The following NBEA variants were observed in gnomAD, a reference collection of about 807,000 sequenced individuals.
NBEA encodes lysosomal-trafficking regulator 2.
In NBEA, 44 loss-of-function variants were observed where a neutral mutation model predicts 343.4. The observed-to-expected ratio is 0.13, with a 90% confidence interval of 0.10 to 0.16. NBEA has a LOEUF of 0.16. Ranked by LOEUF, NBEA falls within the 10% of genes least tolerant of loss-of-function variation. NBEA has a pLI of 1.00. For missense variants in NBEA, 2,555 were observed against 3,631.3 expected, an observed-to-expected ratio of 0.70 and a Z score of 7.62; for synonymous variants, 1,175 against 1,238.7, an observed-to-expected ratio of 0.95 and a Z score of 1.08.
At chr13:35,609,905 G>C (rs1301581450) in intron 48 of NBEA, among the ~76,000 whole-genome samples, 2 of 152,176 alleles carry the variant, frequency 1.3e-5, no homozygotes, top group Non-Finnish European at 1.5e-5. Context: ...CTCTGTAAAT[G>C]AGCCGAAGTC....
chr13:35,433,127 A>G (rs183407847), intron 39 of NBEA, among the ~76,000 whole-genome samples: 1 of 152,218 alleles, frequency 6.6e-6, no homozygotes, highest in East Asian at 1.9e-4. Flanking sequence ...TATAAACTGT[A>G]CAATCACAAA....
chr13:35,203,264 C>T (rs1363422029), intron 31 of NBEA, among the ~76,000 whole-genome samples: 2 of 152,142 alleles, frequency 1.3e-5, no homozygotes, highest in Non-Finnish European at 2.9e-5. Context: ...TCATCTCTTA[C>T]AGCTCTCCAT....
intron 35 of NBEA, among the ~76,000 whole-genome samples, chr13:35,306,035 T>A (rs2036871815): frequency 6.6e-6 from 1 of 152,186 alleles, no homozygotes; most frequent in East Asian, 1.9e-4. Flanking sequence ...AATGAAAGTA[T>A]CTGATGTCTA....
chr13:35,468,598 G>A (rs2075502277), intron 40 of NBEA, among the ~76,000 whole-genome samples: 2 of 152,184 alleles, frequency 1.3e-5, no homozygotes, highest in South Asian at 4.1e-4. Flanking sequence ...AATCACTTAA[G>A]TAAAATCCAG....
chr13:35,476,213 G>A lies in NBEA; in HGVS notation c.6585+3677G>A, dbSNP rs535310771. The A allele has an allele frequency of 2.1e-5, 34 of 1,607,138 alleles. No homozygotes were observed. In the East Asian group the frequency reaches 7.1e-4, roughly 34 times the overall value. On this transcript the variant is annotated intron_variant, in intron 41 of 58. Transcript: ENST00000379939. ...GGATCCAATGCGGCTGCTAGAGCTG[G>A]AGCCAACTTCGGTGGAGAAACGGGC...
At chr13:34,975,995 AT>A (rs926536096) in intron 1 of NBEA, among the ~76,000 whole-genome samples, 1 of 152,210 alleles carries the variant, frequency 6.6e-6, no homozygotes, top group Non-Finnish European at 1.5e-5. Context: ...TACTACAACC[AT>A]TGTGGAAAAC....
At chr13:35,397,488 A>C (rs376130481) in intron 38 of NBEA, among the ~76,000 whole-genome samples, 14 of 152,206 alleles carry the variant, frequency 9.2e-5, no homozygotes, top group African/African-American at 2.9e-4. Context: ...GCTTAACTAC[A>C]GGAGAATGTA....
At chr13:35,214,422 T>C (rs1340738434) in intron 33 of NBEA, among the ~76,000 whole-genome samples, 1 of 151,922 alleles carries the variant, frequency 6.6e-6, no homozygotes, top group Non-Finnish European at 1.5e-5. Flanking sequence ...TCAGTCTTTT[T>C]AAGACTTTAT....
chr13:35,148,448 C>T (rs2068573568), intron 18 of NBEA, among the ~76,000 whole-genome samples: 1 of 152,106 alleles, frequency 6.6e-6, no homozygotes, highest in African/African-American at 2.4e-5. Context: ...TGCTCTACAG[C>T]AGCACAGAGA....
rs557876625 is a variant in NBEA at position 35,440,385 on chromosome 13, C to A, written c.6304+7992C>A. On this transcript the variant is annotated intron_variant, in intron 39 of 58. Transcript: ENST00000379939. ...ACTAATTTTTGGTAAAGTGTACACACAATCACATTTACAAGTGATTATAAT... is the reference window on the plus strand; with the variant it reads ...ACTAATTTTTGGTAAAGTGTACACAAAATCACATTTACAAGTGATTATAAT... Among the ~76,000 whole-genome samples, 4 of 152,266 alleles carry A rather than the reference C, an allele frequency of 2.6e-5. No homozygotes were observed. In the South Asian group the frequency reaches 8.3e-4, roughly 32 times the overall value.
chr13:35,113,903 T>G (rs887722873), intron 13 of NBEA, among the ~76,000 whole-genome samples: 4 of 152,166 alleles, frequency 2.6e-5, no homozygotes, highest in African/African-American at 9.6e-5. Context: ...TCTCCTGGGT[T>G]GTATCATTAT....
intron 34 of NBEA, among the ~76,000 whole-genome samples, chr13:35,234,386 A>G (rs551058662): frequency 6.6e-6 from 1 of 152,308 alleles, no homozygotes; most frequent in South Asian, 2.1e-4. Context: ...TGTAATTTAA[A>G]TAGCTTTGTT....
At chr13:35,633,348 C>T (rs77395174) in intron 49 of NBEA, among the ~76,000 whole-genome samples, 1 of 149,806 alleles carries the variant, frequency 6.7e-6, no homozygotes, top group Admixed American at 6.6e-5. Flanking sequence ...GTGATCCGCC[C>T]ACCTCGGCCT....
At chr13:35,176,903 A>T (rs953375337) in intron 27 of NBEA, 93 bp from the exon 28 acceptor site, 1 of 758,164 alleles carries the variant, frequency 1.3e-6, no homozygotes, top group Non-Finnish European at 2.2e-6. Flanking sequence ...GTGGAGATAC[A>T]TGATGTGACC....
intron 1 of NBEA, among the ~76,000 whole-genome samples, chr13:34,970,762 G>A (rs144834306): frequency 6.6e-6 from 1 of 152,232 alleles, no homozygotes; most frequent in African/African-American, 2.4e-5. Flanking sequence ...ACACCATGCT[G>A]TTTTGGTTAA....
chr13:35,084,495 T>C (rs1050287893), intron 10 of NBEA, among the ~76,000 whole-genome samples: 12 of 152,114 alleles, frequency 7.9e-5, no homozygotes, highest in Admixed American at 7.2e-4. Context: ...GGGTAAATAA[T>C]GAAACGAAGG....
At chr13:35,486,958 T>G (rs2076325392) in intron 41 of NBEA, among the ~76,000 whole-genome samples, 2 of 151,968 alleles carry the variant, frequency 1.3e-5, no homozygotes, top group Admixed American at 6.6e-5. Context: ...ATAAATGTGA[T>G]GAGGAGAAGC....
chr13:35,115,828 T>C (rs1250508940), intron 13 of NBEA, among the ~76,000 whole-genome samples: 1 of 152,218 alleles, frequency 6.6e-6, no homozygotes, highest in East Asian at 1.9e-4. Context: ...TGTTGATCTA[T>C]TTAATCCTCA....
chr13:35,173,163 C>T (rs867751910), intron 26 of NBEA, among the ~76,000 whole-genome samples: 3 of 152,004 alleles, frequency 2.0e-5, no homozygotes, highest in African/African-American at 7.2e-5. Flanking sequence ...CTGTGAAACT[C>T]AGAGGGTAAC....
Sources: allele counts gnomAD v4.1 joint callset (sites outside exome capture counted in the v4.1 genomes callset), GRCh38; gene constraint gnomAD v4.1.1; transcripts MANE v1.5; gene names NCBI Gene and HGNC (gene_info 2026-07-23, HGNC 2026-07-21).